Variants in GPR137B observed in about 807,000 individuals in gnomAD.
GPR137B encodes the protein G protein-coupled receptor 137B.
Under a neutral mutation model 42.5 loss-of-function variants are expected in GPR137B, and 42 were observed. The ratio of observed to expected loss-of-function variants is 0.99; its 90% CI spans 0.77 to 1.28. The LOEUF is 1.28. Among genes scored for constraint, GPR137B ranks in the 50% most tolerant of loss-of-function variants. The pLI, the probability that GPR137B is intolerant of heterozygous loss-of-function variation, is 0.00. For synonymous variants in GPR137B, 218 were observed against 209.7 expected (o/e 1.04, Z -0.34); for missense variants, 487 against 493.9 (o/e 0.99, Z 0.13).
chr1:236,203,676 G>A (rs768983014), intron 5 of GPR137B, among the ~76,000 whole-genome samples: 4 of 151,930 alleles, frequency 2.6e-5, no homozygotes, highest in East Asian at 1.9e-4. Context: ...CCATTTTTTG[G>A]TGTCCTCTTC....
chr1:236,191,543 CCTTT>C (rs1663193301), intron 5 of GPR137B, among the ~76,000 whole-genome samples: 1 of 151,978 alleles, frequency 6.6e-6, no homozygotes, highest in Non-Finnish European at 1.5e-5. Flanking sequence ...ACATGCTCTT[CCTTT>C]CTGTTTGTTA....
chr1:236,178,584 G>A lies in GPR137B; in HGVS notation c.635G>A (p.Cys212Tyr), dbSNP rs770617342. 6.2e-7 allele frequency: 1 copy of A among 1,612,764 alleles called. No individual in the cohort carries two copies. Among genetic ancestry groups the A allele is most frequent in the Non-Finnish European group, 8.5e-7 (1 of 1,179,892 alleles). The stretch of plus-strand genomic sequence containing the variant: ...CTGTGTGCCGTCTCTCTCTCCATCT[G>A]TCTCTACAAAATCTCTAAGATGTCC... ...FVLCAVSLSI[C>Y]LYKISKMSLA... The change falls in exon 3 of 7, where the codon TGT becomes TAT. Residue 212 changes from cysteine (C) to tyrosine (Y), a missense_variant. Transcript: ENST00000366592.
At chr1:236,180,242 G>A (rs1662830447) in intron 4 of GPR137B, 1 of 506,908 alleles carries the variant, frequency 2.0e-6, no homozygotes, top group South Asian at 3.1e-5. Context: ...CAAATGCTAT[G>A]TAAACAGTTG....
chr1:236,172,270 A>G lies in GPR137B; in HGVS notation c.464+3515A>G, dbSNP rs866219953. Among the ~76,000 whole-genome samples, 7 of 152,198 alleles carry G rather than the reference A, an allele frequency of 4.6e-5. No homozygotes were observed. The East Asian group carries it at 5.8e-4, about 13-fold the overall frequency. On this transcript the variant is annotated intron_variant, in intron 2 of 6. Transcript: ENST00000366592. ...GCCACTAGAGACATTTCAGGCCACA[A>G]TCTCTCCCTTGAGATGCTTTGGTAT...
chr1:236,183,718 ACAAT>A (rs1029300189), intron 4 of GPR137B, 56 bp from the exon 5 acceptor site: 1 of 1,289,524 alleles, frequency 7.8e-7, no homozygotes, highest in African/African-American at 1.5e-5. Flanking sequence ...TTAGAAAGAA[ACAAT>A]CAAATTTATT....
At chr1:236,162,331 TCA>T (rs1662226461) in intron 1 of GPR137B, among the ~76,000 whole-genome samples, 1 of 152,166 alleles carries the variant, frequency 6.6e-6, no homozygotes, top group African/African-American at 2.4e-5. Flanking sequence ...TTAAAGGCAT[TCA>T]GTTTTAAAAG....
chr1:236,168,569 C>G (rs1303637997), intron 1 of GPR137B, 137 bp from the exon 2 acceptor site: 3 of 673,120 alleles, frequency 4.5e-6, no homozygotes, highest in Admixed American at 2.4e-5. Context: ...TTTGGCATAA[C>G]AAACGTGGAC....
intron 5 of GPR137B, among the ~76,000 whole-genome samples, chr1:236,187,685 C>G (rs1448151096): frequency 1.9e-5 from 2 of 104,596 alleles, no homozygotes; most frequent in African/African-American, 6.9e-5. Context: ...TTCCATTGGT[C>G]TATATATCTG....
intron 4 of GPR137B, among the ~76,000 whole-genome samples, chr1:236,183,357 C>G (rs569170647): frequency 6.6e-6 from 1 of 152,160 alleles, no homozygotes; most frequent in Non-Finnish European, 1.5e-5. Flanking sequence ...GGCAACATAA[C>G]CTTCTCACTA....
rs1451725153 is a variant in GPR137B, at chr1:236,200,792, A to G, written c.967-4334A>G. ...ATACTTGATTTGTGGATTTTTACCT[A>G]GTCTGCCATTCTGTATCTTTTAAAT... On this transcript the variant is annotated intron_variant, in intron 5 of 6. Transcript: ENST00000366592. Among the ~76,000 whole-genome samples the G allele has an allele frequency of 2.6e-5, 4 of 152,014 alleles. No individual in the cohort carries two copies. The East Asian group carries it at 5.8e-4, about 22-fold the overall frequency.
At chr1:236,178,304 A>T in intron 2 of GPR137B, 110 bp from the exon 3 acceptor site, 1 of 688,134 alleles carries the variant, frequency 1.5e-6, no homozygotes, top group Non-Finnish European at 2.6e-6. Context: ...CCAAGCTCTT[A>T]AATGTCACCT....
intron 5 of GPR137B, among the ~76,000 whole-genome samples, chr1:236,198,797 T>C (rs1374691118): frequency 6.6e-6 from 1 of 152,092 alleles, no homozygotes; most frequent in East Asian, 1.9e-4. Context: ...TTTAGGAGCT[T>C]TTAGGATAAG....
intron 1 of GPR137B, among the ~76,000 whole-genome samples, chr1:236,153,484 C>G (rs1395230291): frequency 1.3e-5 from 2 of 152,210 alleles, no homozygotes; most frequent in African/African-American, 4.8e-5. Flanking sequence ...TAATATTGTG[C>G]TGCATGGATA....
intron 1 of GPR137B, among the ~76,000 whole-genome samples, chr1:236,148,769 T>C (rs1558477486): frequency 6.6e-6 from 1 of 152,052 alleles, no homozygotes; most frequent in Non-Finnish European, 1.5e-5. Context: ...TAGGGGCTCA[T>C]AGTCGGTGTT....
intron 1 of GPR137B, among the ~76,000 whole-genome samples, chr1:236,162,075 C>T (rs1662219575): frequency 6.6e-6 from 1 of 152,170 alleles, no homozygotes; most frequent in Non-Finnish European, 1.5e-5. Flanking sequence ...TATTGAATGG[C>T]TTTGCCCAAA....
At chr1:236,157,165 C>T (rs1055812265) in intron 1 of GPR137B, among the ~76,000 whole-genome samples, 2 of 151,708 alleles carry the variant, frequency 1.3e-5, no homozygotes, top group Admixed American at 1.3e-4. Context: ...TCCAAGGCCA[C>T]ACAGCTGATA....
At chr1:236,149,852 TTGTATG>T (rs1161397554) in intron 1 of GPR137B, among the ~76,000 whole-genome samples, 2 of 152,226 alleles carry the variant, frequency 1.3e-5, no homozygotes, top group Admixed American at 1.3e-4. Flanking sequence ...GTGTGCGCCT[TTGTATG>T]TGTATGTGCA....
At chr1:236,204,370 G>T (rs894294163) in intron 5 of GPR137B, among the ~76,000 whole-genome samples, 1 of 152,056 alleles carries the variant, frequency 6.6e-6, no homozygotes. Flanking sequence ...ACAGTTTTAT[G>T]TGTCTTTGGT....
chr1:236,167,072 G>A (rs1400674002), intron 1 of GPR137B, among the ~76,000 whole-genome samples: 1 of 152,208 alleles, frequency 6.6e-6, no homozygotes, highest in East Asian at 1.9e-4. Context: ...ATGGAGAGCA[G>A]TTTGCTTGCA....
Sources: allele counts gnomAD v4.1 joint callset (sites outside exome capture counted in the v4.1 genomes callset), GRCh38; gene constraint gnomAD v4.1.1; transcripts MANE v1.5; gene names NCBI Gene and HGNC (gene_info 2026-07-23, HGNC 2026-07-21).